Variants in LINGO2 observed in about 807,000 individuals in gnomAD.
The protein encoded by LINGO2 is leucine-rich repeat and immunoglobulin-like domain-containing nogo receptor-interacting protein 2.
A neutral mutation model predicts 30.6 loss-of-function variants in LINGO2; 14 were observed. That is an observed-to-expected ratio of 0.46 (90% CI 0.30 to 0.72). The LOEUF is 0.72. LINGO2 is among the 30% of genes least tolerant of loss of function. The pLI is 0.07. For missense variants in LINGO2, 729 were observed against 751.7 expected (o/e 0.97, Z 0.35); for synonymous variants, 317 against 288.5 (o/e 1.10, Z -1.00).
At chr9:28,154,367 G>C (rs546966282) in intron 4 of LINGO2, among the ~76,000 whole-genome samples, 10 of 152,240 alleles carry the variant, frequency 6.6e-5, no homozygotes, top group Admixed American at 5.9e-4. Context: ...ACAATTCAAT[G>C]GAAAATATTA....
chr9:28,238,770 G>GTATT (rs1460754385), intron 4 of LINGO2, among the ~76,000 whole-genome samples: 1 of 151,686 alleles, frequency 6.6e-6, no homozygotes, highest in Admixed American at 6.6e-5. Context: ...TCCAAAATTA[G>GTATT]TAGAAGAAAT....
chr9:28,141,907 A>T (rs1458079125), intron 4 of LINGO2, among the ~76,000 whole-genome samples: 1 of 152,220 alleles, frequency 6.6e-6, no homozygotes, highest in East Asian at 1.9e-4. Flanking sequence ...GCGAGACTCC[A>T]TCTCAAAAAA....
chr9:28,763,798 G>A, the LINGO2 span, among the ~76,000 whole-genome samples: 2,526 of 151,508 alleles, frequency 0.017, 83 homozygotes, highest in African/African-American at 0.059. Flanking sequence ...GGAAGAGAGA[G>A]AGAGAGAGGA....
chr9:29,068,198 T>C, the LINGO2 span, among the ~76,000 whole-genome samples: 1 of 151,428 alleles, frequency 6.6e-6, no homozygotes. Flanking sequence ...AAAACAGAAA[T>C]AAACAAATAA....
At chr9:29,196,060 T>C in the LINGO2 span, among the ~76,000 whole-genome samples, 1 of 152,150 alleles carries the variant, frequency 6.6e-6, no homozygotes, top group Non-Finnish European at 1.5e-5. Flanking sequence ...AAATGTTTGA[T>C]ACTTTACAGG....
chr9:27,988,963 C>G (rs890635918), intron 5 of LINGO2, among the ~76,000 whole-genome samples: 1 of 151,950 alleles, frequency 6.6e-6, no homozygotes, highest in South Asian at 2.1e-4. Context: ...TAGTTCACAT[C>G]ATAATTATCT....
chr9:28,960,820 T>C, the LINGO2 span, among the ~76,000 whole-genome samples: 1 of 89,080 alleles, frequency 1.1e-5, no homozygotes, highest in Non-Finnish European at 2.9e-5. Flanking sequence ...GTCCATATTC[T>C]AGAAAATGTT....
intron 2 of LINGO2, among the ~76,000 whole-genome samples, chr9:28,473,991 C>T (rs1825629064): frequency 6.6e-6 from 1 of 152,092 alleles, no homozygotes; most frequent in Non-Finnish European, 1.5e-5. Context: ...TTAATGTTTA[C>T]TCACAACCAA....
chr9:28,750,592 G>C, the LINGO2 span, among the ~76,000 whole-genome samples: 6 of 152,054 alleles, frequency 3.9e-5, no homozygotes, highest in East Asian at 1.2e-3. Context: ...TTACCAACTG[G>C]AAGAGCAATA....
the LINGO2 span, among the ~76,000 whole-genome samples, chr9:28,974,022 T>G: frequency 6.6e-6 from 1 of 152,186 alleles, no homozygotes; most frequent in Admixed American, 6.5e-5. Context: ...CTGTGGTGTG[T>G]AAACTACTCT....
chr9:28,481,579 G>T (rs1480329911), intron 1 of LINGO2, among the ~76,000 whole-genome samples: 1 of 151,934 alleles, frequency 6.6e-6, no homozygotes, highest in African/African-American at 2.4e-5. Context: ...AACTGGAAAT[G>T]CTGTCGCCCT....
chr9:28,484,228 C>T (rs1364585651), intron 1 of LINGO2, among the ~76,000 whole-genome samples: 2 of 152,008 alleles, frequency 1.3e-5, no homozygotes, highest in African/African-American at 4.8e-5. Context: ...AGTCTATCTC[C>T]CATTCAATGT....
At chr9:28,922,540 G>A in the LINGO2 span, among the ~76,000 whole-genome samples, 1 of 152,138 alleles carries the variant, frequency 6.6e-6, no homozygotes, top group Non-Finnish European at 1.5e-5. Context: ...TAACCTTATT[G>A]TAAATCATGG....
At chr9:28,333,963 T>C (rs558662156) in intron 3 of LINGO2, among the ~76,000 whole-genome samples, 1 of 152,302 alleles carries the variant, frequency 6.6e-6, no homozygotes, top group South Asian at 2.1e-4. Context: ...ACCATGATAC[T>C]GGGGCACAGT....
the LINGO2 span, among the ~76,000 whole-genome samples, chr9:29,092,282 G>A: frequency 6.6e-6 from 1 of 151,912 alleles, no homozygotes; most frequent in Non-Finnish European, 1.5e-5. Flanking sequence ...TCCAAAGTTT[G>A]TGTTCCTAAC....
At chr9:28,053,880 G>T (rs6476034) in intron 4 of LINGO2, among the ~76,000 whole-genome samples, 119,131 of 151,984 alleles carry the variant, frequency 0.78, 47,124 homozygotes, top group African/African-American at 0.89. Flanking sequence ...TGCTTTGTTT[G>T]TCTTATCAAT....
intron 5 of LINGO2, among the ~76,000 whole-genome samples, chr9:28,008,803 T>C (rs116604786): frequency 0.01 from 1,573 of 152,198 alleles, 32 homozygotes; most frequent in African/African-American, 0.036. Context: ...TGTTCACCGA[T>C]TGAAAGGTTT....
the LINGO2 span, among the ~76,000 whole-genome samples, chr9:28,823,683 A>G: frequency 3.9e-5 from 6 of 152,164 alleles, no homozygotes; most frequent in Admixed American, 3.9e-4. Flanking sequence ...ATAGCCCTGG[A>G]TTAGCTCCTA....
At chr9:28,938,408 T>C in the LINGO2 span, among the ~76,000 whole-genome samples, 1 of 152,194 alleles carries the variant, frequency 6.6e-6, no homozygotes, top group Non-Finnish European at 1.5e-5. Context: ...TCAATTTCTC[T>C]CTCTCCTTTT....
Sources: allele counts gnomAD v4.1 joint callset (sites outside exome capture counted in the v4.1 genomes callset), GRCh38; gene constraint gnomAD v4.1.1; transcripts MANE v1.5; gene names NCBI Gene and HGNC (gene_info 2026-07-23, HGNC 2026-07-21).